The following FAM221B variants were observed in gnomAD, a reference collection of about 807,000 sequenced individuals.
The protein encoded by FAM221B is family with sequence similarity 221 member B.
Under a neutral mutation model 39.8 loss-of-function variants are expected in FAM221B, and 35 were observed. That is an observed-to-expected ratio of 0.88 (90% confidence interval 0.67 to 1.17). The LOEUF (loss-of-function observed/expected upper bound fraction) is 1.17. FAM221B is among the 50% of genes most tolerant of loss of function. FAM221B has a pLI of 0.00. For synonymous variants in FAM221B, 158 were observed against 178.1 expected, an observed-to-expected ratio of 0.89 and a Z score of 0.90; for missense variants, 479 against 503.1, an observed-to-expected ratio of 0.95 and a Z score of 0.46.
rs984643101 is a variant in FAM221B, at chr9:35,817,856, T to G, written c.*613A>C. 2.0e-5 allele frequency: 3 copies of G among 152,536 alleles called. No homozygotes were observed. Among genetic ancestry groups the G allele is most frequent in the Admixed American group, 6.5e-5 (1 of 15,310 alleles). 9.4% of individuals were successfully genotyped at this position (152,536 alleles called of 1,614,324 possible). A position where few individuals can be genotyped will look rare whatever the true frequency, so the allele number is the denominator to read the frequency against. On this transcript the variant is annotated 3_prime_UTR_variant, in exon 7 of 7. Transcript: ENST00000423537. ...TGGTGTTTCTCCTGTCCAGAGAAAA[T>G]CCCTTCACCTCTGCTTTGACCTCAT...
Position 35,825,898 on chromosome 9 carries a change from A to G in FAM221B, c.264T>C (p.Pro88=). The G allele has an allele frequency of 6.2e-7, 1 of 1,614,010 alleles. No homozygotes were observed. Among genetic ancestry groups the G allele is most frequent in the Non-Finnish European group, 8.5e-7 (1 of 1,179,978 alleles). ...PSISETPSET[P]TYEASLDSPI... is the part of the protein sequence containing the mutation. The stretch of plus-strand genomic sequence containing the variant: ...GACTATCCAATGAAGCCTCATAGGT[A>G]GGGGTCTCTGAAGGAGTCTCAGAGA... The change falls in exon 2 of 7, where the codon CCT becomes CCC. Residue 88 remains proline (P), a synonymous_variant. Coordinates refer to ENST00000423537, the MANE Select transcript of FAM221B (RefSeq NM_001012446.4). This position sits in a 1 kb window ranked among gnomAD's most constrained non-coding sequence, Gnocchi z 4.2.
In FAM221B at chr9:35,819,321, C is replaced by T. The variant is rs1364090738; in HGVS notation, c.927G>A (p.Glu309=). 2 of 1,551,608 alleles carry T rather than the reference C, an allele frequency of 1.3e-6. No individual in the cohort carries two copies. Among genetic ancestry groups the T allele is most frequent in the Admixed American group, 3.9e-5 (2 of 50,996 alleles). The part of the protein sequence containing the change: ...MFCFIPSRPE[E]VGEFWLKRRA... ...GTCTCTTGAGCCAGAACTCACCCACCTCCTCTGGGCGTGATGGGATAAAGC... is the reference window on the plus strand; with the variant it reads ...GTCTCTTGAGCCAGAACTCACCCACTTCCTCTGGGCGTGATGGGATAAAGC... Residue 309 remains glutamate, a synonymous_variant, in exon 5 of 7, where the codon GAG becomes GAA. Transcript: ENST00000423537.
intron 3 of FAM221B, chr9:35,821,286 C>T (rs1216156028): frequency 2.1e-6 from 1 of 472,516 alleles, no homozygotes; most frequent in Admixed American, 3.6e-5. Context: ...AACAATTGAG[C>T]TCATTCCTTC....
chr9:35,825,207 T>G lies in FAM221B; in HGVS notation c.742+23A>C, dbSNP rs924946223. 1 of 1,614,028 alleles carries G rather than the reference T, an allele frequency of 6.2e-7. No individual in the cohort carries two copies. The highest frequency in any genetic ancestry group is 2.2e-5 in the East Asian group (1 of 44,882). On this transcript the variant is annotated intron_variant, in intron 3 of 6. Coordinates refer to ENST00000423537, the MANE Select transcript of FAM221B (RefSeq NM_001012446.4). The surrounding 1 kb of genome is among the most constrained non-coding windows in gnomAD (Gnocchi z 4.2). The stretch of plus-strand genomic sequence containing the variant: ...GATGCCCATGGGCCTGTCACAGGCC[T>G]CTGAAAGGCCACATGGGCTCACCTG...
chr9:35,823,788 C>T (rs1290862956), intron 3 of FAM221B, among the ~76,000 whole-genome samples: 1 of 152,098 alleles, frequency 6.6e-6, no homozygotes, highest in Non-Finnish European at 1.5e-5. Context: ...CCTCAGCCTA[C>T]TAAGTAGCTG....
In FAM221B at chr9:35,825,125, T is replaced by G; in HGVS notation, c.742+105A>C. On this transcript the variant is annotated intron_variant, in intron 3 of 6. Coordinates refer to ENST00000423537, the MANE Select transcript of FAM221B (RefSeq NM_001012446.4). The surrounding 1 kb of genome is among the most constrained non-coding windows in gnomAD (Gnocchi z 4.2). ...TTTCCAGGCAGGTGGTATAGCCATT[T>G]CCAAAAGGGGAAGCTATCTGCTGAA... 5 of 1,382,518 alleles carry G rather than the reference T, an allele frequency of 3.6e-6. No homozygotes were observed. The South Asian group carries it at 6.6e-5, about 18-fold the overall frequency. 85.6% of individuals were successfully genotyped at this position (1,382,518 alleles called of 1,614,324 possible).
At chr9:35,824,492 G>A (rs941479859) in intron 3 of FAM221B, among the ~76,000 whole-genome samples, 4 of 151,964 alleles carry the variant, frequency 2.6e-5, no homozygotes, top group Non-Finnish European at 5.9e-5. Context: ...CATGGGCCTG[G>A]CATGCAGGGG....
In FAM221B at chr9:35,826,115, G is replaced by T; in HGVS notation, c.47C>A (p.Ala16Glu). 2.5e-6 allele frequency: 4 copies of T among 1,609,898 alleles called. No homozygotes were observed. In the South Asian group the frequency reaches 3.3e-5, roughly 13 times the overall value. ...IIEEPHITMD[A>E]EKHPPSKDPS... ...GTCCTTTGAAGGGGGGTGCTTCTCT[G>T]CATCCATGGTGATATGAGGCTCTTC... The change falls in exon 2 of 7, where the codon GCA (alanine) becomes GAA (glutamate). Residue 16 changes from alanine to glutamate, a missense_variant. Physicochemically the swap from Ala to Glu is moderately radical, Grantham distance 107. Coordinates refer to ENST00000423537, the MANE Select transcript of FAM221B (RefSeq NM_001012446.4).
intron 3 of FAM221B, among the ~76,000 whole-genome samples, chr9:35,822,030 T>C (rs527691204): frequency 6.6e-6 from 1 of 152,346 alleles, no homozygotes; most frequent in Admixed American, 6.5e-5. Context: ...ATGCATAGTA[T>C]GTCTCCATAA....
At chr9:35,822,597 C>T (rs938326151) in intron 3 of FAM221B, among the ~76,000 whole-genome samples, 9 of 152,026 alleles carry the variant, frequency 5.9e-5, no homozygotes, top group Non-Finnish European at 1.0e-4. Context: ...TTAATAGAGA[C>T]GGGGTTTCAC....
rs180897218 is a variant in FAM221B, at chr9:35,825,181, G to A, written c.742+49C>T. On this transcript the variant is annotated intron_variant, in intron 3 of 6. Transcript: ENST00000423537. This position sits in a 1 kb window ranked among gnomAD's most constrained non-coding sequence, Gnocchi z 4.2. ...AGGTTCCCAGATCTTTTGGATTAGA[G>A]GATGCCCATGGGCCTGTCACAGGCC... The A allele has an allele frequency of 1.2e-4, 185 of 1,607,350 alleles. 1 individual carries two copies. The African/African-American group carries it at 1.8e-3, about 16-fold the overall frequency.
Position 35,825,492 on chromosome 9 carries a change from T to G in FAM221B, c.598+72A>C. 1 of 1,575,006 alleles carries G rather than the reference T, an allele frequency of 6.3e-7. No homozygotes were observed. Among genetic ancestry groups the G allele is most frequent in the African/African-American group, 1.3e-5 (1 of 74,190 alleles). On this transcript the variant is annotated intron_variant, in intron 2 of 6. Coordinates refer to ENST00000423537, the MANE Select transcript of FAM221B (RefSeq NM_001012446.4). This position sits in a 1 kb window ranked among gnomAD's most constrained non-coding sequence, Gnocchi z 4.2. ...CCTGGGGCAAGTCAAGGACAGTGAA[T>G]AGTAGTGAGAACAGGACAGGGGAGA...
In FAM221B at chr9:35,825,333, C is replaced by T. The variant is rs750516295; in HGVS notation, c.639G>A (p.Glu213=). ...ARPVFPARQT[E]LVEVAKAMHR... Reference sequence around the variant, plus strand: ...GCATTGCCTTAGCCACTTCCACCAGCTCTGTCTGCCTAGCAGGGAACACTG... The same window carrying T: ...GCATTGCCTTAGCCACTTCCACCAGTTCTGTCTGCCTAGCAGGGAACACTG... Residue 213 remains glutamate, a synonymous_variant, in exon 3 of 7, where the codon GAG becomes GAA. Coordinates refer to ENST00000423537, the MANE Select transcript of FAM221B (RefSeq NM_001012446.4). The surrounding 1 kb of genome is among the most constrained non-coding windows in gnomAD (Gnocchi z 4.2). 1 of 1,614,246 alleles carries T rather than the reference C, an allele frequency of 6.2e-7. No individual in the cohort carries two copies. The highest frequency in any genetic ancestry group is 1.1e-5 in the South Asian group (1 of 91,090).
At chr9:35,827,515 G>A (rs567223807) in intron 1 of FAM221B, among the ~76,000 whole-genome samples, 4 of 152,364 alleles carry the variant, frequency 2.6e-5, no homozygotes, top group African/African-American at 7.2e-5. Context: ...TTGTTCTGGG[G>A]TGAGTCTAGG....
chr9:35,822,076 G>T (rs1281212424), intron 3 of FAM221B, among the ~76,000 whole-genome samples: 1 of 152,206 alleles, frequency 6.6e-6, no homozygotes, highest in East Asian at 1.9e-4. Flanking sequence ...AATGTCTCCA[G>T]CCTAGCCCTC....
At position 35,828,386 on chromosome 9, in the gene FAM221B, G is replaced by T; in HGVS notation, c.-1+77C>A. 2.5e-6 allele frequency: 1 copy of T among 396,120 alleles called. No individual in the cohort carries two copies. The highest frequency in any genetic ancestry group is 3.4e-6 in the Non-Finnish European group (1 of 292,710). The allele number at this position is 396,120 out of a possible 1,614,324, so 24.5% of individuals were successfully genotyped here. A position where few individuals can be genotyped will look rare whatever the true frequency, so the allele number is the denominator to read the frequency against. On this transcript the variant is annotated intron_variant, in intron 1 of 6. Coordinates refer to ENST00000423537, the MANE Select transcript of FAM221B (RefSeq NM_001012446.4). This position sits in a 1 kb window ranked among gnomAD's most constrained non-coding sequence, Gnocchi z 4.5. Reference sequence around the variant, plus strand: ...CTACTACTACTACTACTACAACAATGTGAAGGGACTGAGGGGTGGGAGAAA... The same window carrying T: ...CTACTACTACTACTACTACAACAATTTGAAGGGACTGAGGGGTGGGAGAAA...
chr9:35,823,764 A>G (rs1829207928), intron 3 of FAM221B, among the ~76,000 whole-genome samples: 1 of 152,006 alleles, frequency 6.6e-6, no homozygotes, highest in African/African-American at 2.4e-5. Context: ...TCCTGGGCTC[A>G]AGTAATCTGC....
At position 35,825,814 on chromosome 9, in the gene FAM221B, G is replaced by T; in HGVS notation, c.348C>A (p.Val116=). 6.2e-7 allele frequency: 1 copy of T among 1,614,174 alleles called. No individual in the cohort carries two copies. The highest frequency in any genetic ancestry group is 1.7e-5 in the Admixed American group (1 of 60,028). The change falls in exon 2 of 7, where the codon GTC becomes GTA. Residue 116 remains valine (V), a synonymous_variant. Coordinates refer to ENST00000423537, the MANE Select transcript of FAM221B (RefSeq NM_001012446.4). The surrounding 1 kb of genome is among the most constrained non-coding windows in gnomAD (Gnocchi z 4.2). ...LTLPPQSRDY[V]CLSSSDTLKE... The stretch of plus-strand genomic sequence containing the variant: ...TCAGAGTATCAGAAGAAGACAGACA[G>T]ACATAGTCTCGTGATTGGGGAGGAA...
intron 3 of FAM221B, among the ~76,000 whole-genome samples, chr9:35,824,626 G>A (rs1343693025): frequency 6.6e-6 from 1 of 151,966 alleles, no homozygotes; most frequent in Non-Finnish European, 1.5e-5. Flanking sequence ...AGGCTCTCTG[G>A]GCCCTATATC....
Sources: allele counts gnomAD v4.1 joint callset (sites outside exome capture counted in the v4.1 genomes callset), GRCh38; gene constraint gnomAD v4.1.1; non-coding constraint Gnocchi (gnomAD v3.1); transcripts MANE v1.5; gene names NCBI Gene and HGNC (gene_info 2026-07-23, HGNC 2026-07-21).